Variants in CROCC2 observed in about 807,000 individuals in gnomAD.
CROCC2 encodes the protein ciliary rootlet coiled-coil protein 2.
CROCC2 carries 163 observed loss-of-function variants against 177.6 expected under a neutral mutation model. That is an observed-to-expected ratio of 0.92 (90% CI 0.81 to 1.05). The LOEUF (loss-of-function observed/expected upper bound fraction) is 1.05, where lower values mean the gene tolerates loss of function less well. Among genes scored for constraint, CROCC2 ranks in the 50% least tolerant of loss-of-function variants. The probability of loss-of-function intolerance (pLI) is 0.00; values close to 1 mark genes in which losing one functional copy is unlikely to be tolerated. For missense variants in CROCC2, 1,929 were observed against 1,797.8 expected (o/e 1.07, Z -1.32); for synonymous variants, 904 against 787.3 (o/e 1.15, Z -2.48).
chr2:240,948,863 C>T (rs1315122218), intron 15 of CROCC2, 116 bp from the exon 16 acceptor site: 1 of 944,412 alleles, frequency 1.1e-6, no homozygotes, highest in Non-Finnish European at 1.6e-6. Flanking sequence ...CTAAAACATT[C>T]TTCCATTTAT....
In CROCC2 at chr2:240,934,957, G is replaced by A; in HGVS notation, c.1833G>A (p.Arg611=). Residue 611 remains arginine (R), a synonymous_variant, in exon 13 of 32, where the codon CGG becomes CGA. Coordinates refer to ENST00000690015, the MANE Select transcript of CROCC2 (RefSeq NM_001351305.2). ...SNADLELLVR[R]LKSEGVEQRD... is the part of the protein sequence containing the mutation. The stretch of plus-strand genomic sequence containing the variant: ...CGGACCTGGAGCTTCTTGTGAGGCG[G>A]CTGAAGTCGGAGGGAGTGGAGCAAA... The A allele has an allele frequency of 6.6e-7, 1 of 1,518,838 alleles. No individual in the cohort carries two copies. The highest frequency in any genetic ancestry group is 1.4e-5 in the African/African-American group (1 of 71,066). 94.1% of individuals were successfully genotyped at this position (1,518,838 alleles called of 1,614,324 possible).
intron 22 of CROCC2, 59 bp from the exon 23 acceptor site, chr2:240,965,322 G>A: frequency 6.5e-7 from 1 of 1,537,776 alleles, no homozygotes; most frequent in East Asian, 2.5e-5. Flanking sequence ...AGGCAGGGAG[G>A]CTGCCTGGGT....
intron 9 of CROCC2, 79 bp from the exon 10 acceptor site, chr2:240,933,052 G>T: frequency 2.0e-6 from 3 of 1,528,504 alleles, no homozygotes; most frequent in African/African-American, 1.4e-5. Flanking sequence ...CCTTTCTGGG[G>T]AGTCGCAAGC....
chr2:240,959,001 C>T lies in CROCC2; in HGVS notation c.2944-300C>T, dbSNP rs1283980823. 17 of 312,926 alleles carry T rather than the reference C, an allele frequency of 5.4e-5. No individual in the cohort carries two copies. The East Asian group carries it at 1.1e-3, about 21-fold the overall frequency. 19.4% of individuals were successfully genotyped at this position (312,926 alleles called of 1,614,324 possible). ...TAGAGCTGCCCAGTGTGTGGTGGTCCCTGTAGGGATGGGCCCTGCCCCAGG... is the reference window on the plus strand; with the variant it reads ...TAGAGCTGCCCAGTGTGTGGTGGTCTCTGTAGGGATGGGCCCTGCCCCAGG... On this transcript the variant is annotated intron_variant, in intron 19 of 31. Coordinates refer to ENST00000690015, the MANE Select transcript of CROCC2 (RefSeq NM_001351305.2).
At chr2:240,935,610 G>A in intron 14 of CROCC2, 22 bp downstream of exon 14, 4 of 1,380,092 alleles carry the variant, frequency 2.9e-6, no homozygotes, top group South Asian at 1.6e-5. Context: ...TGCAGGGCAT[G>A]CTGCCGCCGT....
intron 5 of CROCC2, among the ~76,000 whole-genome samples, chr2:240,928,131 A>C (rs2059405339): frequency 6.6e-6 from 1 of 152,132 alleles, no homozygotes; most frequent in Admixed American, 6.5e-5. Flanking sequence ...TTTATTTTTT[A>C]ACTAAGAGCT....
rs945810944 is a variant in CROCC2, at chr2:240,932,782, G to T, written c.1125G>T (p.Arg375Ser). ...TGGGGGAGCCACGGCGCCCACTGAG[G>T]AGCCCCCAACGTGCCACATCCCCCC... ...TELGEPRRPL[R>S]SPQRATSPHQ... Residue 375 changes from arginine (R) to serine (S), a missense_variant, in exon 9 of 32, where the codon AGG becomes AGT. By Grantham distance (110) the Arg-to-Ser change is moderately radical (BLOSUM62 -1). Coordinates refer to ENST00000690015, the MANE Select transcript of CROCC2 (RefSeq NM_001351305.2). 1 of 1,404,422 alleles carries T rather than the reference G, an allele frequency of 7.1e-7. No homozygotes were observed. The highest frequency in any genetic ancestry group is 1.4e-5 in the African/African-American group (1 of 70,158). 87.0% of individuals were successfully genotyped at this position (1,404,422 alleles called of 1,614,324 possible).
intron 28 of CROCC2, chr2:240,983,492 G>A (rs1420997817): frequency 1.6e-6 from 2 of 1,241,846 alleles, no homozygotes; most frequent in Admixed American, 2.9e-5. Flanking sequence ...GGAGAGGCGC[G>A]TCCTGCAGGA....
In CROCC2 at chr2:240,958,005, A is replaced by G; in HGVS notation, c.2944-1296A>G. 1 of 985,264 alleles carries G rather than the reference A, an allele frequency of 1.0e-6. No homozygotes were observed. The highest frequency in any genetic ancestry group is 1.2e-6 in the Non-Finnish European group (1 of 829,864). 61.0% of individuals were successfully genotyped at this position (985,264 alleles called of 1,614,324 possible). A position where few individuals can be genotyped will look rare whatever the true frequency, so the allele number is the denominator to read the frequency against. ...TGCTGGCTTCTGGAGCCTTCTCTTG[A>G]GCTGGCCCTGAGTCTCCCCCGGACT... On this transcript the variant is annotated intron_variant, in intron 19 of 31. Transcript: ENST00000690015. This position sits in a 1 kb window ranked among gnomAD's most constrained non-coding sequence, Gnocchi z 6.7.
intron 28 of CROCC2, chr2:240,983,276 T>C: frequency 1.0e-6 from 1 of 989,506 alleles, no homozygotes; most frequent in African/African-American, 1.6e-5. Flanking sequence ...TGCCGTACAG[T>C]AAGCACCCCT....
At position 240,934,943 on chromosome 2, in the gene CROCC2, C is replaced by A; in HGVS notation, c.1819C>A (p.Leu607Ile). The change falls in exon 13 of 32, where the codon CTT (leucine) becomes ATT (isoleucine). Residue 607 changes from leucine to isoleucine, a missense_variant. This residue lies in a region of CROCC2 where 1,397 missense variants were observed against 1,239.9 expected (regional missense o/e 1.13). Coordinates refer to ENST00000690015, the MANE Select transcript of CROCC2 (RefSeq NM_001351305.2). ...CGAGTGCAGCAATGCGGACCTGGAG[C>A]TTCTTGTGAGGCGGCTGAAGTCGGA... ...RAECSNADLE[L>I]LVRRLKSEGV... 6.6e-7 allele frequency: 1 copy of A among 1,521,486 alleles called. No homozygotes were observed. Among genetic ancestry groups the A allele is most frequent in the East Asian group, 2.6e-5 (1 of 38,746 alleles). 94.2% of individuals were successfully genotyped at this position (1,521,486 alleles called of 1,614,324 possible). A position where few individuals can be genotyped will look rare whatever the true frequency, so the allele number is the denominator to read the frequency against.
chr2:240,933,794 G>C lies in CROCC2; in HGVS notation c.1588G>C (p.Glu530Gln). The C allele has an allele frequency of 6.5e-7, 1 of 1,548,884 alleles. No individual in the cohort carries two copies. Among genetic ancestry groups the C allele is most frequent in the Non-Finnish European group, 8.7e-7 (1 of 1,146,752 alleles). ...GCAGAGAAGCCTCCTGCTGCAGGCA[G>C]AGCGGAGGGAGGAGCTGGCTCTGCG... is the stretch of plus-strand genomic sequence containing the variant. Reference protein sequence around the residue: ...ELQRSLLLQAERREELALRRE... With the variant: ...ELQRSLLLQAQRREELALRRE... The change falls in exon 11 of 32, where the codon GAG becomes CAG. Residue 530 changes from glutamate (E) to glutamine (Q), a missense_variant. Physicochemically the swap from Glu to Gln is conservative, Grantham distance 29. Coordinates refer to ENST00000690015, the MANE Select transcript of CROCC2 (RefSeq NM_001351305.2).
chr2:240,965,926 C>T lies in CROCC2; in HGVS notation c.3894C>T (p.Arg1298=), dbSNP rs561610060. 28 of 1,417,082 alleles carry T rather than the reference C, an allele frequency of 2.0e-5. No homozygotes were observed. Among genetic ancestry groups the T allele is most frequent in the African/African-American group, 2.9e-5 (2 of 68,800 alleles). The allele number at this position is 1,417,082 out of a possible 1,614,324, so 87.8% of individuals were successfully genotyped here. The change falls in exon 24 of 32, where the codon CGC becomes CGT. Residue 1298 remains arginine, a synonymous_variant. Coordinates refer to ENST00000690015, the MANE Select transcript of CROCC2 (RefSeq NM_001351305.2). Reference sequence around the variant, plus strand: ...TGGGCCGGCTGTGCTCCACGCTCCGCCGTGGCCTGGGGCTCCAGAGACAGA... The same window carrying T: ...TGGGCCGGCTGTGCTCCACGCTCCGTCGTGGCCTGGGGCTCCAGAGACAGA... ...AQLGRLCSTL[R]RGLGLQRQSP...
chr2:240,988,941 G>A, intron 29 of CROCC2, 71 bp downstream of exon 29: 1 of 1,327,818 alleles, frequency 7.5e-7, no homozygotes, highest in Non-Finnish European at 9.7e-7. Flanking sequence ...CCAGGAGGGT[G>A]TCAGTTCCAG....
Position 240,935,490 on chromosome 2 carries a change from C to A in CROCC2, c.2071C>A (p.Gln691Lys). 1.5e-6 allele frequency: 2 copies of A among 1,348,424 alleles called. No individual in the cohort carries two copies. Among genetic ancestry groups the A allele is most frequent in the Non-Finnish European group, 1.9e-6 (2 of 1,046,208 alleles). 83.5% of individuals were successfully genotyped at this position (1,348,424 alleles called of 1,614,324 possible). A position where few individuals can be genotyped will look rare whatever the true frequency, so the allele number is the denominator to read the frequency against. ...GCGGGCAGAGCGCAGGGGCCTGCAG[C>A]AGGCCTGCGGACGCCTGGAGCAGCG... ...LERAERRGLQ[Q>K]ACGRLEQRQE... Residue 691 changes from glutamine to lysine, a missense_variant, in exon 14 of 32, where the codon CAG becomes AAG. Around this residue, in one of 3 missense-constraint regions of CROCC2, gnomAD observed 1,397 missense variants for 1,239.9 expected, o/e 1.13. Coordinates refer to ENST00000690015, the MANE Select transcript of CROCC2 (RefSeq NM_001351305.2).
chr2:240,982,699 T>C lies in CROCC2; in HGVS notation c.4402-181T>C, dbSNP rs1000316972. ...GGGGGTCCACACCTTTGAGGTTACA[T>C]TGCAAACACAATCACCTGATCAACG... On this transcript the variant is annotated intron_variant, in intron 27 of 31. Transcript: ENST00000690015. This position sits in a 1 kb window ranked among gnomAD's most constrained non-coding sequence, Gnocchi z 4.7. 4.0e-5 allele frequency: 23 copies of C among 571,562 alleles called. No homozygotes were observed. The highest frequency in any genetic ancestry group is 6.4e-5 in the Non-Finnish European group (21 of 327,490). 35.4% of individuals were successfully genotyped at this position (571,562 alleles called of 1,614,324 possible).
intron 28 of CROCC2, among the ~76,000 whole-genome samples, chr2:240,985,734 ACACACACACCCAGGCACTCACTC>A (rs1559192881): frequency 2.8e-5 from 3 of 106,422 alleles, no homozygotes; most frequent in South Asian, 3.4e-4. Flanking sequence ...CACTCACTCC[ACACACACACCCAGGCACTCACTC>A]CACACACACC....
intron 28 of CROCC2, among the ~76,000 whole-genome samples, chr2:240,985,642 CA>C (rs1559192737): frequency 9.4e-5 from 12 of 127,256 alleles, no homozygotes; most frequent in Middle Eastern, 4.4e-3. Context: ...CCCAGGCACT[CA>C]CTCCACACAC....
intron 27 of CROCC2, chr2:240,981,396 T>C (rs2106489592): frequency 6.6e-6 from 1 of 152,390 alleles, no homozygotes; most frequent in Admixed American, 6.5e-5. Flanking sequence ...ATCCACGTTT[T>C]CAAGGTTTGT....
Sources: gnomAD v4.1 joint callset for allele counts (sites outside exome capture counted in the v4.1 genomes callset) on GRCh38, gnomAD v4.1.1 for gene constraint, gnomAD v4.1.1 regional missense constraint, Gnocchi (gnomAD v3.1) non-coding constraint, MANE v1.5 for transcripts, NCBI Gene and HGNC (gene_info 2026-07-23, HGNC 2026-07-21) for gene names.